The following HERC1 variants were observed in gnomAD, a reference collection of about 807,000 sequenced individuals.
HERC1 encodes the protein HECT and RLD domain containing E3 ubiquitin protein ligase family member 1.
Under a neutral mutation model 554.3 loss-of-function variants are expected in HERC1, and 160 were observed. That is an observed-to-expected ratio of 0.29 (90% confidence interval 0.25 to 0.33). The LOEUF is 0.33. Among genes scored for constraint, HERC1 ranks in the 10% least tolerant of loss-of-function variants. The pLI is 1.00. For synonymous variants in HERC1, 2,175 were observed against 2,131.7 expected, an observed-to-expected ratio of 1.02 and a Z score of -0.56; for missense variants, 4,919 against 5,918.5, an observed-to-expected ratio of 0.83 and a Z score of 5.54.
At chr15:63,737,328 A>G (rs2074551821) in intron 12 of HERC1, among the ~76,000 whole-genome samples, 1 of 148,662 alleles carries the variant, frequency 6.7e-6, no homozygotes, top group South Asian at 2.1e-4. Flanking sequence ...ACAATGAAGA[A>G]GAAATCAACA....
At position 63,662,971 on chromosome 15, in the gene HERC1, C is replaced by T. The variant is rs1196605640; in HGVS notation, c.8901+13G>A. On this transcript the variant is annotated intron_variant, in intron 44 of 77. Transcript: ENST00000443617. ...AAATAAGTCAGAGCAGCCCCCGCTG[C>T]AGTCACACACACCCAGGTAGGCCAA... is the stretch of plus-strand genomic sequence containing the variant. The T allele has an allele frequency of 1.2e-6, 2 of 1,601,816 alleles. No individual in the cohort carries two copies. The highest frequency in any genetic ancestry group is 1.7e-5 in the Admixed American group (1 of 59,944).
intron 33 of HERC1, among the ~76,000 whole-genome samples, 181 bp from the exon 34 acceptor site, chr15:63,686,716 T>C (rs1039750289): frequency 6.6e-6 from 1 of 152,178 alleles, no homozygotes; most frequent in Non-Finnish European, 1.5e-5. Flanking sequence ...CATAAAGAGC[T>C]TAAGGTCATT....
intron 54 of HERC1, 102 bp from the exon 55 acceptor site, chr15:63,648,301 G>C: frequency 5.0e-6 from 6 of 1,195,326 alleles, no homozygotes; most frequent in Non-Finnish European, 5.8e-6. Flanking sequence ...TGCAACCATT[G>C]CAAGTAAATT....
chr15:63,652,839 T>C (rs1055814511), intron 51 of HERC1, among the ~76,000 whole-genome samples: 4 of 152,014 alleles, frequency 2.6e-5, no homozygotes, highest in African/African-American at 7.2e-5. Flanking sequence ...TTAGTAGAGA[T>C]AGGTTTCGCC....
intron 50 of HERC1, among the ~76,000 whole-genome samples, chr15:63,655,010 A>G (rs970511610): frequency 2.9e-4 from 44 of 152,342 alleles, no homozygotes; most frequent in Admixed American, 2.0e-3. Flanking sequence ...TTGTTGCTCA[A>G]AAGTGATGGT....
intron 3 of HERC1, among the ~76,000 whole-genome samples, chr15:63,762,416 C>T (rs1056595763): frequency 1.2e-4 from 18 of 152,098 alleles, no homozygotes; most frequent in Admixed American, 3.3e-4. Context: ...CTCCACCTCC[C>T]GGGTTCAAGC....
chr15:63,628,787 C>T lies in HERC1; in HGVS notation c.12995G>A (p.Arg4332Gln), dbSNP rs1407392708. 12 of 1,613,782 alleles carry T rather than the reference C, an allele frequency of 7.4e-6. No homozygotes were observed. Among genetic ancestry groups the T allele is most frequent in the Non-Finnish European group, 1.0e-5 (12 of 1,179,846 alleles). ...QLGLGHTNHV[R>Q]EPTLVTGLQG... ...CAGACCTGTTACCAGGGTTGGTTCT[C>T]GAACATGGTTGGTATGGCCTAAGCC... is the stretch of plus-strand genomic sequence containing the variant. Residue 4332 changes from arginine to glutamine, a missense_variant, in exon 70 of 78, where the codon CGA (arginine) becomes CAA (glutamine). Physicochemically the swap from Arg to Gln is conservative, Grantham distance 43. Coordinates refer to ENST00000443617, the MANE Select transcript of HERC1 (RefSeq NM_003922.4).
intron 69 of HERC1, among the ~76,000 whole-genome samples, chr15:63,629,097 C>T (rs937184221): frequency 6.6e-6 from 1 of 151,936 alleles, no homozygotes; most frequent in Non-Finnish European, 1.5e-5. Flanking sequence ...TTACAGGTGC[C>T]CGCCACCACA....
chr15:63,685,554 A>C (rs2071709329), intron 34 of HERC1, among the ~76,000 whole-genome samples: 1 of 152,238 alleles, frequency 6.6e-6, no homozygotes, highest in Non-Finnish European at 1.5e-5. Context: ...TTAAGAATGA[A>C]GTCACATGGC....
Position 63,624,336 on chromosome 15 carries a change from G to A in HERC1, c.13276-9C>T, listed in dbSNP as rs776124619. The A allele has an allele frequency of 4.4e-6, 7 of 1,582,702 alleles. No individual in the cohort carries two copies. The highest frequency in any genetic ancestry group is 3.6e-5 in the Admixed American group (2 of 55,586). ...TAATGGGATGTGCTGTTCTGTAACA[G>A]AAGGTACGGTTATCAGAAATGGTAC... On this transcript the variant is annotated splice_polypyrimidine_tract_variant and intron_variant, in intron 71 of 77. Coordinates refer to ENST00000443617, the MANE Select transcript of HERC1 (RefSeq NM_003922.4).
intron 31 of HERC1, among the ~76,000 whole-genome samples, chr15:63,691,220 C>T (rs1046065248): frequency 7.2e-5 from 11 of 152,180 alleles, no homozygotes; most frequent in Non-Finnish European, 1.3e-4. Flanking sequence ...AATCCCAGCA[C>T]TTTGGGAGGC....
chr15:63,693,704 C>T (rs1243678440), intron 30 of HERC1, among the ~76,000 whole-genome samples: 1 of 152,074 alleles, frequency 6.6e-6, no homozygotes, highest in East Asian at 1.9e-4. Flanking sequence ...GTCTCAGAGC[C>T]CAGACAGCCA....
intron 1 of HERC1, among the ~76,000 whole-genome samples, chr15:63,796,253 T>C (rs892712967): frequency 2.0e-5 from 3 of 152,252 alleles, no homozygotes; most frequent in African/African-American, 2.4e-5. Flanking sequence ...CTTAAGTCCA[T>C]ATGCCAACAT....
At chr15:63,675,903 CTTT>C (rs201499820) in intron 37 of HERC1, among the ~76,000 whole-genome samples, 2 of 133,284 alleles carry the variant, frequency 1.5e-5, no homozygotes. Flanking sequence ...CTGTATACAT[CTTT>C]TTTTTTTTTT....
At position 63,718,533 on chromosome 15, in the gene HERC1, C is replaced by T. The variant is rs377350692; in HGVS notation, c.3978+41G>A. ...ACCAATTTAGAGCTAGCTCTCACAG[C>T]TTGCAGAAAAACATAGAAATTAATT... On this transcript the variant is annotated intron_variant, in intron 21 of 77. Transcript: ENST00000443617. This position sits in a 1 kb window ranked among gnomAD's most constrained non-coding sequence, Gnocchi z 4.2. 6 of 1,516,378 alleles carry T rather than the reference C, an allele frequency of 4.0e-6. No homozygotes were observed. In the African/African-American group the frequency reaches 6.9e-5, roughly 18 times the overall value. The allele number at this position is 1,516,378 out of a possible 1,614,324, so 93.9% of individuals were successfully genotyped here. A position where few individuals can be genotyped will look rare whatever the true frequency, so the allele number is the denominator to read the frequency against.
intron 14 of HERC1, among the ~76,000 whole-genome samples, chr15:63,732,385 T>C (rs138304970): frequency 6.6e-6 from 1 of 152,154 alleles, no homozygotes; most frequent in African/African-American, 2.4e-5. Context: ...AGCAGTAAGA[T>C]GCTGAGAAGA....
Position 63,674,443 on chromosome 15 carries a change from C to G in HERC1, c.7745G>C (p.Arg2582Thr). ...KRAVMRSPIK[R>T]ALGLADLERA... is the part of the protein sequence containing the mutation. ...TTCCAGATCAGCTAATCCCAATGCT[C>G]TCTTTATGGGTGACCGCATGACTGC... The change falls in exon 38 of 78, where the codon AGA becomes ACA. Residue 2582 changes from arginine to threonine, a missense_variant. Arg to Thr is a moderately conservative substitution (Grantham distance 71). Transcript: ENST00000443617. 6.2e-7 allele frequency: 1 copy of G among 1,613,882 alleles called. No individual in the cohort carries two copies. Among genetic ancestry groups the G allele is most frequent in the Non-Finnish European group, 8.5e-7 (1 of 1,179,856 alleles).
chr15:63,803,418 T>C (rs2077049230), intron 1 of HERC1, among the ~76,000 whole-genome samples: 1 of 151,898 alleles, frequency 6.6e-6, no homozygotes, highest in Non-Finnish European at 1.5e-5. Context: ...TATCATGCTC[T>C]TTTTTTCTCT....
At chr15:63,633,740 G>A in intron 67 of HERC1, 108 bp downstream of exon 67, 1 of 1,172,612 alleles carries the variant, frequency 8.5e-7, no homozygotes, top group East Asian at 2.6e-5. Flanking sequence ...ACTTCATTAT[G>A]AACTACCAAA....
Sources: gnomAD v4.1 joint callset for allele counts (sites outside exome capture counted in the v4.1 genomes callset) on GRCh38, gnomAD v4.1.1 for gene constraint, Gnocchi (gnomAD v3.1) non-coding constraint, MANE v1.5 for transcripts, NCBI Gene and HGNC (gene_info 2026-07-23, HGNC 2026-07-21) for gene names.